The following ADAMTSL1 variants were observed in gnomAD, a reference collection of about 807,000 sequenced individuals.
ADAMTSL1 encodes the protein ADAMTS-like protein 1.
A neutral mutation model predicts 201.8 loss-of-function variants in ADAMTSL1; 126 were observed. That is an observed-to-expected ratio of 0.62 (90% CI 0.54 to 0.72). ADAMTSL1 has a LOEUF of 0.72. ADAMTSL1 is among the 30% of genes least tolerant of loss of function. The pLI, the probability that ADAMTSL1 is intolerant of heterozygous loss-of-function variation, is 0.00. For missense variants in ADAMTSL1, 2,679 were observed against 2,277.8 expected, an observed-to-expected ratio of 1.18 and a Z score of -3.59; for synonymous variants, 1,121 against 903.4, an observed-to-expected ratio of 1.24 and a Z score of -4.32.
At chr9:18,192,053 T>C (rs1828993739) in intron 2 of ADAMTSL1, among the ~76,000 whole-genome samples, 1 of 152,158 alleles carries the variant, frequency 6.6e-6, no homozygotes, top group Non-Finnish European at 1.5e-5. Context: ...TTCCTAAAAG[T>C]GGTACATTTC....
At chr9:18,896,267 A>T (rs910897942) in intron 26 of ADAMTSL1, among the ~76,000 whole-genome samples, 1 of 152,170 alleles carries the variant, frequency 6.6e-6, no homozygotes, top group African/African-American at 2.4e-5. Flanking sequence ...GACCCACACT[A>T]AGATTAAAAT....
chr9:18,477,892 G>A (rs1253079026), intron 1 of ADAMTSL1, among the ~76,000 whole-genome samples: 1 of 152,152 alleles, frequency 6.6e-6, no homozygotes, highest in African/African-American at 2.4e-5. Flanking sequence ...GTTGAGGGAA[G>A]AGTGTCCAAT....
intron 1 of ADAMTSL1, among the ~76,000 whole-genome samples, chr9:18,038,541 A>G (rs961926566): frequency 5.9e-5 from 9 of 152,144 alleles, no homozygotes; most frequent in African/African-American, 2.2e-4. Context: ...TTTTATCTCA[A>G]CCTGTATCTT....
chr9:18,337,115 C>G (rs1835272753), intron 2 of ADAMTSL1, among the ~76,000 whole-genome samples: 1 of 152,088 alleles, frequency 6.6e-6, no homozygotes, highest in South Asian at 2.1e-4. Context: ...GAGACACAGA[C>G]CCACCCTCAA....
intron 3 of ADAMTSL1, among the ~76,000 whole-genome samples, chr9:18,535,590 G>A (rs939148434): frequency 6.6e-6 from 1 of 152,102 alleles, no homozygotes; most frequent in African/African-American, 2.4e-5. Context: ...CCATTTTACT[G>A]TATTAGTCCA....
At chr9:18,743,876 C>T (rs1362450811) in intron 15 of ADAMTSL1, among the ~76,000 whole-genome samples, 1 of 152,126 alleles carries the variant, frequency 6.6e-6, no homozygotes, top group Admixed American at 6.5e-5. Flanking sequence ...AGTAGCAAAT[C>T]CATCTGTGAT....
intron 1 of ADAMTSL1, among the ~76,000 whole-genome samples, chr9:17,972,098 A>AT (rs1400396855): frequency 6.6e-6 from 1 of 151,466 alleles, no homozygotes; most frequent in Non-Finnish European, 1.5e-5. Context: ...ACAGTGACCT[A>AT]TTTTTTGTGT....
intron 2 of ADAMTSL1, among the ~76,000 whole-genome samples, chr9:18,197,715 T>C (rs1829244873): frequency 6.6e-6 from 1 of 151,410 alleles, no homozygotes; most frequent in African/African-American, 2.4e-5. Flanking sequence ...TCCAACACTA[T>C]GTTGAATAGG....
chr9:18,102,543 G>T (rs1824577086), intron 1 of ADAMTSL1, among the ~76,000 whole-genome samples: 1 of 152,190 alleles, frequency 6.6e-6, no homozygotes, highest in Admixed American at 6.5e-5. Context: ...GTCCACAAAA[G>T]AGTTAAAATT....
intron 1 of ADAMTSL1, among the ~76,000 whole-genome samples, chr9:17,919,630 A>G (rs573293513): frequency 1.3e-5 from 2 of 152,186 alleles, no homozygotes; most frequent in African/African-American, 4.8e-5. Flanking sequence ...GGTTTATCCA[A>G]GTTGTAGCAT....
At chr9:18,373,706 C>T (rs979038579) in intron 2 of ADAMTSL1, among the ~76,000 whole-genome samples, 3 of 152,180 alleles carry the variant, frequency 2.0e-5, no homozygotes, top group Non-Finnish European at 4.4e-5. Context: ...CTCAGCTGCA[C>T]ATTCCCCAGG....
At chr9:18,147,077 A>G (rs1181216074) in intron 1 of ADAMTSL1, among the ~76,000 whole-genome samples, 5 of 152,178 alleles carry the variant, frequency 3.3e-5, no homozygotes, top group African/African-American at 1.2e-4. Flanking sequence ...ATATAATAGT[A>G]TTCCTTAATT....
intron 10 of ADAMTSL1, among the ~76,000 whole-genome samples, chr9:18,678,814 G>A (rs1587873136): frequency 4.6e-5 from 7 of 152,202 alleles, no homozygotes; most frequent in Admixed American, 4.6e-4. Flanking sequence ...ATCTCCAGAA[G>A]GAAGCCCTCC....
In ADAMTSL1 at chr9:18,359,472, C is replaced by A. The variant is rs1018027730; in HGVS notation, c.208-145357C>A. Among the ~76,000 whole-genome samples, 39 of 152,152 alleles carry A rather than the reference C, an allele frequency of 2.6e-4. 1 individual carries two copies. Among genetic ancestry groups the A allele is most frequent in the Non-Finnish European group, 8.8e-5 (6 of 68,018 alleles). On this transcript the variant is annotated intron_variant, in intron 2 of 29. Transcript: ENST00000680146. ...ACATTAAAGGAGAACAAAGTGAGGA[C>A]AATGTTTGACCCAAAAGATGGTTAC...
intron 1 of ADAMTSL1, among the ~76,000 whole-genome samples, chr9:18,086,308 A>T (rs1563991538): frequency 1.3e-5 from 2 of 152,174 alleles, no homozygotes; most frequent in East Asian, 3.9e-4. Context: ...AGCATTTGCC[A>T]GTTGTGTTGC....
rs527956200 is a variant in ADAMTSL1, at chr9:18,885,020, A to C, written c.4250-2811A>C. 1.7e-4 allele frequency among the ~76,000 whole-genome samples: 26 copies of C among 152,352 alleles called. No homozygotes were observed. In the South Asian group the frequency reaches 2.7e-3, roughly 16 times the overall value. On this transcript the variant is annotated intron_variant, in intron 23 of 28. Transcript: ENST00000380548. Reference sequence around the variant, plus strand: ...GTATTAAGTCTCCTAATCCGTAAACATGAGATGTCCTCCCATGAATTTATA... The same window carrying C: ...GTATTAAGTCTCCTAATCCGTAAACCTGAGATGTCCTCCCATGAATTTATA...
intron 1 of ADAMTSL1, among the ~76,000 whole-genome samples, chr9:17,931,383 G>A (rs1047527396): frequency 6.6e-6 from 1 of 152,122 alleles, no homozygotes; most frequent in African/African-American, 2.4e-5. Context: ...TTGTATTGAG[G>A]AGCTTTCGAG....
intron 1 of ADAMTSL1, among the ~76,000 whole-genome samples, chr9:17,938,184 G>A (rs1255926598): frequency 6.6e-6 from 1 of 152,094 alleles, no homozygotes; most frequent in Non-Finnish European, 1.5e-5. Context: ...ATTTACATGG[G>A]GTGTGTGCAT....
chr9:17,988,456 A>T (rs1466063345), intron 1 of ADAMTSL1, among the ~76,000 whole-genome samples: 4 of 152,014 alleles, frequency 2.6e-5, no homozygotes, highest in African/African-American at 9.7e-5. Context: ...TTCCCCAGGG[A>T]TTATTACACT....
Sources: gnomAD v4.1 joint callset for allele counts (sites outside exome capture counted in the v4.1 genomes callset) on GRCh38, gnomAD v4.1.1 for gene constraint, MANE v1.5 for transcripts, NCBI Gene and HGNC (gene_info 2026-07-23, HGNC 2026-07-21) for gene names.